Variants in CSMD1 observed in about 807,000 individuals in gnomAD.
CSMD1 encodes CUB and Sushi multiple domains 1, also known as CUB and sushi domain-containing protein 1.
In CSMD1, 213 loss-of-function variants were observed where a neutral mutation model predicts 417.5. That is an observed-to-expected ratio of 0.51 (90% CI 0.46 to 0.57). The LOEUF (loss-of-function observed/expected upper bound fraction) is 0.57. CSMD1 is among the 20% of genes least tolerant of loss of function. The pLI is 0.00. For synonymous variants in CSMD1, 2,862 were observed against 1,736.8 expected (o/e 1.65, Z -16.11); for missense variants, 6,923 against 4,529.7 (o/e 1.53, Z -15.17).
At chr8:3,249,570 T>C (rs930721611) in intron 26 of CSMD1, among the ~76,000 whole-genome samples, 4 of 151,928 alleles carry the variant, frequency 2.6e-5, no homozygotes, top group Non-Finnish European at 5.9e-5. Context: ...TGATCAAGTC[T>C]CAAAAAAATA....
intron 3 of CSMD1, among the ~76,000 whole-genome samples, chr8:4,390,553 G>A (rs1283116283): frequency 1.5e-5 from 1 of 68,208 alleles, no homozygotes; most frequent in Non-Finnish European, 3.3e-5. Flanking sequence ...TTGCTCTGTT[G>A]CCCAGGCTGG....
intron 1 of CSMD1, among the ~76,000 whole-genome samples, chr8:4,918,437 A>G (rs968083792): frequency 1.3e-5 from 2 of 152,138 alleles, no homozygotes; most frequent in African/African-American, 4.8e-5. Flanking sequence ...GTCCTTCTGT[A>G]TATCCACCTG....
intron 2 of CSMD1, among the ~76,000 whole-genome samples, chr8:4,469,525 G>A (rs186411902): frequency 9.2e-5 from 14 of 152,060 alleles, no homozygotes; most frequent in African/African-American, 2.7e-4. Flanking sequence ...TATTCCTTCC[G>A]GAGCCTTCCT....
At position 4,610,123 on chromosome 8, in the gene CSMD1, C is replaced by A. The variant is rs1801087453; in HGVS notation, c.302+27219G>T. Among the ~76,000 whole-genome samples, 2 of 151,534 alleles carry A rather than the reference C, an allele frequency of 1.3e-5. 1 individual carries two copies. The highest frequency in any genetic ancestry group is 4.2e-4 in the South Asian group (2 of 4,748). On this transcript the variant is annotated intron_variant, in intron 2 of 69. Coordinates refer to ENST00000635120, the MANE Select transcript of CSMD1 (RefSeq NM_033225.6). ...TCTCTCCTTTTCAGGGAAAGGGTGT[C>A]ATTTAAAGACTAATAGGTTATGAAC...
intron 11 of CSMD1, among the ~76,000 whole-genome samples, chr8:3,471,446 G>C (rs1585213432): frequency 6.6e-6 from 1 of 152,088 alleles, no homozygotes; most frequent in Non-Finnish European, 1.5e-5. Flanking sequence ...ATTAGTTGCA[G>C]GGCTTTCTAT....
intron 1 of CSMD1, among the ~76,000 whole-genome samples, chr8:4,811,433 T>C (rs1355895748): frequency 6.6e-6 from 1 of 152,184 alleles, no homozygotes; most frequent in Non-Finnish European, 1.5e-5. Flanking sequence ...AAATTGTTGC[T>C]ATTTGATTAT....
At chr8:3,756,153 G>A (rs991123638) in intron 5 of CSMD1, among the ~76,000 whole-genome samples, 2 of 151,864 alleles carry the variant, frequency 1.3e-5, no homozygotes, top group East Asian at 1.9e-4. Context: ...TCAGGAGATC[G>A]AGACCATCAT....
At chr8:4,654,939 C>G (rs1804134207) in intron 1 of CSMD1, among the ~76,000 whole-genome samples, 1 of 151,706 alleles carries the variant, frequency 6.6e-6, no homozygotes, top group East Asian at 1.9e-4. Flanking sequence ...ACAGGTATCC[C>G]CCAAATCTAA....
In CSMD1 at chr8:4,280,308, G is replaced by C. The variant is rs554711952; in HGVS notation, c.415+139645C>G. Among the ~76,000 whole-genome samples, 4 of 152,236 alleles carry C rather than the reference G, an allele frequency of 2.6e-5. No individual in the cohort carries two copies. The East Asian group carries it at 5.8e-4, about 22-fold the overall frequency. ...TATAATGTAGTATATAATAAGCTTT[G>C]AAAGAGAGTGGATATGTTACCACGT... On this transcript the variant is annotated intron_variant, in intron 3 of 69. Coordinates refer to ENST00000635120, the MANE Select transcript of CSMD1 (RefSeq NM_033225.6).
At chr8:4,150,600 C>G (rs1305099272) in intron 3 of CSMD1, among the ~76,000 whole-genome samples, 2 of 152,176 alleles carry the variant, frequency 1.3e-5, no homozygotes, top group African/African-American at 4.8e-5. Flanking sequence ...AACAAGCAAA[C>G]AAACCAAACA....
At chr8:4,069,943 T>G (rs1388389302) in intron 3 of CSMD1, among the ~76,000 whole-genome samples, 1 of 152,190 alleles carries the variant, frequency 6.6e-6, no homozygotes, top group Non-Finnish European at 1.5e-5. Flanking sequence ...CAGTATTATT[T>G]TTTCTGTTTG....
intron 1 of CSMD1, among the ~76,000 whole-genome samples, chr8:4,937,775 G>C (rs1200550738): frequency 6.8e-6 from 1 of 146,204 alleles, no homozygotes; most frequent in South Asian, 2.3e-4. Context: ...TTCTCACACA[G>C]TGGCGCGTGC....
chr8:4,620,397 T>A (rs1801707207), intron 2 of CSMD1, among the ~76,000 whole-genome samples: 1 of 151,600 alleles, frequency 6.6e-6, no homozygotes, highest in Non-Finnish European at 1.5e-5. Context: ...AATTTGAGTT[T>A]GAGAAACTTA....
chr8:4,819,034 G>C (rs932401598), intron 1 of CSMD1, among the ~76,000 whole-genome samples: 1 of 152,068 alleles, frequency 6.6e-6, no homozygotes, highest in Non-Finnish European at 1.5e-5. Context: ...GGAATAAATG[G>C]CTTGGAAGAC....
At chr8:3,876,964 ATT>A (rs1805865898) in intron 5 of CSMD1, among the ~76,000 whole-genome samples, 1 of 152,212 alleles carries the variant, frequency 6.6e-6, no homozygotes, top group African/African-American at 2.4e-5. Flanking sequence ...ACAAGAAATA[ATT>A]CATAAGTCAT....
intron 12 of CSMD1, among the ~76,000 whole-genome samples, chr8:3,417,003 G>A (rs887544653): frequency 1.3e-5 from 2 of 152,162 alleles, no homozygotes; most frequent in Admixed American, 6.5e-5. Context: ...GATTATATAA[G>A]CTGATATCCC....
chr8:4,396,103 T>C (rs1804189044), intron 3 of CSMD1, among the ~76,000 whole-genome samples: 1 of 151,174 alleles, frequency 6.6e-6, no homozygotes, highest in Non-Finnish European at 1.5e-5. Context: ...TTGTGTTTAG[T>C]ATTTTTAAGT....
rs142899558 is a variant in CSMD1 at position 3,121,155 on chromosome 8, C to G, written c.6242-2568G>C. The stretch of plus-strand genomic sequence containing the variant: ...GAAATGTCATATCTTTCAATAGTCA[C>G]AGATTGTATAGATTTCTGTGTATTT... On this transcript the variant is annotated intron_variant, in intron 41 of 69. Coordinates refer to ENST00000635120, the MANE Select transcript of CSMD1 (RefSeq NM_033225.6). 1.2e-3 allele frequency among the ~76,000 whole-genome samples: 183 copies of G among 152,092 alleles called. 1 individual carries two copies. Among genetic ancestry groups the G allele is most frequent in the African/African-American group, 4.2e-3 (173 of 41,486 alleles).
intron 30 of CSMD1, among the ~76,000 whole-genome samples, chr8:3,213,448 C>T (rs994032100): frequency 6.6e-6 from 1 of 152,170 alleles, no homozygotes; most frequent in Non-Finnish European, 1.5e-5. Context: ...GCCAGGAAGT[C>T]TACCCTCCCA....
Sources: allele counts gnomAD v4.1 joint callset (sites outside exome capture counted in the v4.1 genomes callset), GRCh38; gene constraint gnomAD v4.1.1; transcripts MANE v1.5; gene names NCBI Gene and HGNC (gene_info 2026-07-23, HGNC 2026-07-21).